Variants in SIPA1L3 observed in about 807,000 individuals in gnomAD.
The protein encoded by SIPA1L3 is signal induced proliferation associated 1 like 3.
In SIPA1L3, 59 loss-of-function variants were observed where a neutral mutation model predicts 150.1. The observed-to-expected ratio is 0.39, with a 90% confidence interval of 0.32 to 0.49. SIPA1L3 has a LOEUF of 0.49. SIPA1L3 is among the 20% of genes least tolerant of loss of function. The probability of loss-of-function intolerance (pLI) is 0.86; values close to 1 mark genes in which losing one functional copy is unlikely to be tolerated. For synonymous variants in SIPA1L3, 1,070 were observed against 1,077.6 expected (o/e 0.99, Z 0.14); for missense variants, 2,211 against 2,489.5 (o/e 0.89, Z 2.38).
chr19:37,997,638 G>A (rs1039920757), intron 1 of SIPA1L3, among the ~76,000 whole-genome samples: 3 of 149,208 alleles, frequency 2.0e-5, no homozygotes, highest in Non-Finnish European at 4.4e-5. Context: ...GGAGGCCGAG[G>A]CAGGTGGATC....
At chr19:38,086,783 G>A (rs986049280) in intron 3 of SIPA1L3, among the ~76,000 whole-genome samples, 3 of 152,350 alleles carry the variant, frequency 2.0e-5, no homozygotes, top group Admixed American at 2.0e-4. Context: ...GAGTCTGGCA[G>A]TAGGGAAGAG....
chr19:38,089,395 A>C (rs1970213716), intron 4 of SIPA1L3, among the ~76,000 whole-genome samples: 1 of 152,116 alleles, frequency 6.6e-6, no homozygotes, highest in African/African-American at 2.4e-5. Context: ...ACCAGTAGCC[A>C]GACCAAGATT....
At chr19:38,090,134 A>G (rs1311284212) in intron 4 of SIPA1L3, among the ~76,000 whole-genome samples, 1 of 152,118 alleles carries the variant, frequency 6.6e-6, no homozygotes, top group Admixed American at 6.6e-5. Context: ...GTTCGAGACC[A>G]GCCTGGCCAA....
rs995224347 is a variant in SIPA1L3 at position 38,082,496 on chromosome 19, G to A, written c.931G>A (p.Glu311Lys). The A allele has an allele frequency of 7.5e-6, 12 of 1,595,406 alleles. No homozygotes were observed. The highest frequency in any genetic ancestry group is 2.7e-5 in the African/African-American group (2 of 74,632). Reference sequence around the variant, plus strand: ...TCGGAAGCTAAGGAGCAGCAAACCCGAGGGGGAGGCTGGGCGTTCCCCGGG... The same window carrying A: ...TCGGAAGCTAAGGAGCAGCAAACCCAAGGGGGAGGCTGGGCGTTCCCCGGG... Reference protein sequence around the residue: ...IFRKLRSSKPEGEAGRSPGEA... With the variant: ...IFRKLRSSKPKGEAGRSPGEA... The change falls in exon 3 of 22, where the codon GAG becomes AAG. Residue 311 changes from glutamate (E) to lysine (K), a missense_variant. By Grantham distance (56) the Glu-to-Lys change is moderately conservative (BLOSUM62 1). Around this residue, in one of 5 missense-constraint regions of SIPA1L3, gnomAD observed 587 missense variants for 534.5 expected, o/e 1.10. Transcript: ENST00000222345.
chr19:38,142,787 C>A, intron 12 of SIPA1L3, 77 bp downstream of exon 12: 2 of 1,497,964 alleles, frequency 1.3e-6, no homozygotes, highest in Non-Finnish European at 1.8e-6. Flanking sequence ...CAAATGCACA[C>A]CCCCACAATT....
rs530749621 is a variant in SIPA1L3, at chr19:38,095,583, C to T, written c.1666-4379C>T. Among the ~76,000 whole-genome samples the T allele has an allele frequency of 2.5e-4, 38 of 152,242 alleles. 1 individual carries two copies. In the South Asian group the frequency reaches 6.2e-3, roughly 25 times the overall value. On this transcript the variant is annotated intron_variant, in intron 4 of 21. Coordinates refer to ENST00000222345, the MANE Select transcript of SIPA1L3 (RefSeq NM_015073.3). The stretch of plus-strand genomic sequence containing the variant: ...AGCTGATGCCAGATGTTTTCAGGCT[C>T]TGAGCAGAGGAAGGCTGTGATCTGA...
intron 1 of SIPA1L3, among the ~76,000 whole-genome samples, chr19:37,986,559 G>T (rs1005598755): frequency 6.6e-6 from 1 of 152,204 alleles, no homozygotes; most frequent in Non-Finnish European, 1.5e-5. Context: ...GATGTTTGTC[G>T]CCAGCGTTGG....
At chr19:38,065,799 G>T (rs552680523) in intron 2 of SIPA1L3, among the ~76,000 whole-genome samples, 1 of 151,668 alleles carries the variant, frequency 6.6e-6, no homozygotes, top group South Asian at 2.1e-4. Context: ...GGGCTGCGTG[G>T]GCATCTTGCA....
rs752184095 is a variant in SIPA1L3, at chr19:38,182,719, T to C, written c.4409T>C (p.Leu1470Pro). Residue 1470 changes from leucine to proline, a missense_variant, in exon 16 of 22, where the codon CTC (leucine) becomes CCC (proline). Leu to Pro is a moderately conservative substitution (Grantham distance 98). This residue lies in a region of SIPA1L3 where 806 missense variants were observed against 870.1 expected (regional missense o/e 0.93). Coordinates refer to ENST00000222345, the MANE Select transcript of SIPA1L3 (RefSeq NM_015073.3). ...ACGGAGGAGCCCCCACCACGGCCAC[T>C]CCCCTTCAGTGACCCAAAGAAGTAA... ...KRTEEPPPRPLPFSDPKKQVD... is the reference protein window; with the variant it reads ...KRTEEPPPRPPPFSDPKKQVD... 1 of 1,612,776 alleles carries C rather than the reference T, an allele frequency of 6.2e-7. No individual in the cohort carries two copies. Among genetic ancestry groups the C allele is most frequent in the Non-Finnish European group, 8.5e-7 (1 of 1,179,450 alleles).
intron 2 of SIPA1L3, among the ~76,000 whole-genome samples, chr19:38,055,288 T>TG (rs1234948827): frequency 6.6e-6 from 1 of 152,112 alleles, no homozygotes; most frequent in Non-Finnish European, 1.5e-5. Context: ...GCGCCACTGT[T>TG]GGGGGGTGCA....
intron 15 of SIPA1L3, among the ~76,000 whole-genome samples, chr19:38,169,113 G>A (rs1972270396): frequency 6.6e-6 from 1 of 152,152 alleles, no homozygotes; most frequent in Non-Finnish European, 1.5e-5. Flanking sequence ...TCCAGGCCCG[G>A]CGCAGTGGCT....
chr19:38,022,360 C>T (rs544716010), intron 1 of SIPA1L3, among the ~76,000 whole-genome samples: 3 of 150,642 alleles, frequency 2.0e-5, no homozygotes, highest in East Asian at 3.9e-4. Flanking sequence ...CTCAGGAGGT[C>T]GAGGCTGCAG....
chr19:38,187,744 A>AG (rs1972718660), intron 16 of SIPA1L3, among the ~76,000 whole-genome samples: 1 of 149,340 alleles, frequency 6.7e-6, no homozygotes, highest in African/African-American at 2.5e-5. Context: ...AAAAGACAAA[A>AG]GGAAAAAAAA....
At chr19:37,959,588 T>C (rs2046839209) in intron 1 of SIPA1L3, among the ~76,000 whole-genome samples, 1 of 152,216 alleles carries the variant, frequency 6.6e-6, no homozygotes, top group Middle Eastern at 3.2e-3. Flanking sequence ...AAAAATTTTC[T>C]AAGCTCAGGT....
At chr19:38,068,020 AT>A (rs35795522) in intron 2 of SIPA1L3, among the ~76,000 whole-genome samples, 3,589 of 135,934 alleles carry the variant, frequency 0.026, 166 homozygotes, top group East Asian at 0.22. Flanking sequence ...GAAAAATCAG[AT>A]TTTTTTTTTT....
intron 9 of SIPA1L3, among the ~76,000 whole-genome samples, chr19:38,125,802 G>A (rs1971158089): frequency 6.6e-6 from 1 of 152,196 alleles, no homozygotes. Context: ...GCCTTGGCCT[G>A]GCCAGTGCTG....
intron 7 of SIPA1L3, among the ~76,000 whole-genome samples, chr19:38,108,219 C>T (rs907365258): frequency 6.6e-6 from 1 of 152,030 alleles, no homozygotes; most frequent in Non-Finnish European, 1.5e-5. Flanking sequence ...ACAGGAGGGG[C>T]GCAGAGAGCA....
intron 4 of SIPA1L3, among the ~76,000 whole-genome samples, chr19:38,094,101 T>C (rs1970324213): frequency 6.6e-6 from 1 of 152,238 alleles, no homozygotes; most frequent in Non-Finnish European, 1.5e-5. Context: ...TTCTTTTTTA[T>C]TTAAAAAGTA....
chr19:37,982,501 C>T (rs1367590018), intron 1 of SIPA1L3, among the ~76,000 whole-genome samples: 1 of 152,168 alleles, frequency 6.6e-6, no homozygotes, highest in Non-Finnish European at 1.5e-5. Flanking sequence ...ATGTAATCCT[C>T]GCAGTAGCCC....
Sources: allele counts gnomAD v4.1 joint callset (sites outside exome capture counted in the v4.1 genomes callset), GRCh38; gene constraint gnomAD v4.1.1; regional missense constraint gnomAD v4.1.1; transcripts MANE v1.5; gene names NCBI Gene and HGNC (gene_info 2026-07-23, HGNC 2026-07-21).